Variants in WWOX observed in about 807,000 individuals in gnomAD.
WWOX encodes WW domain containing oxidoreductase.
In WWOX, 69 loss-of-function variants were observed where a neutral mutation model predicts 46.2. The ratio of observed to expected loss-of-function variants is 1.49; its 90% CI spans 1.23 to 1.82. The LOEUF is 1.82. WWOX is among the 40% of genes most tolerant of loss of function. The pLI, the probability that WWOX is intolerant of heterozygous loss-of-function variation, is 0.00. For synonymous variants in WWOX, 359 were observed against 202.6 expected, an observed-to-expected ratio of 1.77 and a Z score of -6.56; for missense variants, 919 against 542.6, an observed-to-expected ratio of 1.69 and a Z score of -6.89.
intron 8 of WWOX, among the ~76,000 whole-genome samples, chr16:79,054,832 A>C (rs1229289558): frequency 1.3e-5 from 2 of 152,204 alleles, no homozygotes; most frequent in Non-Finnish European, 2.9e-5. Context: ...GTCTCAAAAC[A>C]AACAAAGAAA....
chr16:78,278,489 C>A, intron 5 of WWOX: 1 of 1,068,092 alleles, frequency 9.4e-7, no homozygotes, highest in Non-Finnish European at 1.4e-6. Context: ...ATTTAACCAG[C>A]TTGAATTTGT....
At chr16:78,665,703 C>A (rs1244266507) in intron 8 of WWOX, among the ~76,000 whole-genome samples, 4 of 152,066 alleles carry the variant, frequency 2.6e-5, no homozygotes, top group Non-Finnish European at 5.9e-5. Flanking sequence ...TCTGATGTGG[C>A]TTTAAGATAC....
chr16:78,537,259 C>T (rs903158686), intron 8 of WWOX, among the ~76,000 whole-genome samples: 4 of 152,120 alleles, frequency 2.6e-5, no homozygotes, highest in Admixed American at 2.0e-4. Flanking sequence ...GCCTGCCTCC[C>T]TGTCTCCCTG....
Position 78,960,121 on chromosome 16 carries a change from G to A in WWOX, c.1057-251487G>A, listed in dbSNP as rs139034960. On this transcript the variant is annotated intron_variant, in intron 8 of 8. Transcript: ENST00000566780. ...AGAGTGAGGGATAAGGGGTTGTGCTGTGGCTCAGAGGCAGAGTAGACTGAG... is the reference window on the plus strand; with the variant it reads ...AGAGTGAGGGATAAGGGGTTGTGCTATGGCTCAGAGGCAGAGTAGACTGAG... Among the ~76,000 whole-genome samples the A allele has an allele frequency of 4.9e-3, 752 of 152,320 alleles. 3 individuals carry two copies. The highest frequency in any genetic ancestry group is 7.7e-3 in the Admixed American group (118 of 15,304).
intron 8 of WWOX, among the ~76,000 whole-genome samples, chr16:78,868,592 G>T (rs981958226): frequency 6.6e-6 from 1 of 152,174 alleles, no homozygotes; most frequent in Non-Finnish European, 1.5e-5. Context: ...TGAGCCAATA[G>T]TTACAGGAAC....
At chr16:78,769,844 A>G (rs926827070) in intron 8 of WWOX, among the ~76,000 whole-genome samples, 2 of 151,006 alleles carry the variant, frequency 1.3e-5, no homozygotes, top group African/African-American at 4.9e-5. Context: ...CTGTCTCTAC[A>G]AAAAATAAAA....
intron 8 of WWOX, among the ~76,000 whole-genome samples, chr16:78,954,168 T>C (rs1302432901): frequency 6.6e-6 from 1 of 152,198 alleles, no homozygotes. Context: ...CATGATTGCA[T>C]ATTCTTTAGA....
chr16:78,800,023 G>A (rs1307725916), intron 8 of WWOX, among the ~76,000 whole-genome samples: 1 of 152,108 alleles, frequency 6.6e-6, no homozygotes, highest in Non-Finnish European at 1.5e-5. Flanking sequence ...CCATTAAAAT[G>A]GGCAGAAGGG....
intron 5 of WWOX, among the ~76,000 whole-genome samples, chr16:78,307,630 G>A (rs142001725): frequency 9.3e-4 from 142 of 152,258 alleles, no homozygotes; most frequent in African/African-American, 3.4e-3. Flanking sequence ...GGCTTTTGAC[G>A]TCCAGAATGA....
intron 1 of WWOX, chr16:78,100,234 A>G (rs1218134745): frequency 2.6e-6 from 3 of 1,138,504 alleles, no homozygotes; most frequent in South Asian, 2.2e-5. Context: ...TCTGGGTTGC[A>G]GGGATAGGAG....
At chr16:78,986,125 A>G (rs1211505101) in intron 8 of WWOX, among the ~76,000 whole-genome samples, 1 of 152,254 alleles carries the variant, frequency 6.6e-6, no homozygotes, top group African/African-American at 2.4e-5. Context: ...TTATGGAGTC[A>G]GGAGCACACA....
chr16:78,680,679 G>A (rs914021571), intron 8 of WWOX, among the ~76,000 whole-genome samples: 1 of 152,104 alleles, frequency 6.6e-6, no homozygotes, highest in Admixed American at 6.5e-5. Flanking sequence ...CTAAACATCC[G>A]GACACATCTA....
intron 8 of WWOX, among the ~76,000 whole-genome samples, chr16:78,971,476 A>T (rs1386612922): frequency 2.1e-5 from 3 of 142,758 alleles, no homozygotes; most frequent in African/African-American, 2.6e-5. Flanking sequence ...AAAAAAAAAG[A>T]GAGAGATAGG....
intron 8 of WWOX, among the ~76,000 whole-genome samples, chr16:78,798,174 C>A (rs776858866): frequency 5.9e-5 from 9 of 152,132 alleles, no homozygotes; most frequent in Non-Finnish European, 1.3e-4. Context: ...ATACCAAAGC[C>A]ACGGCACCTT....
chr16:79,080,036 G>A (rs1454963349), intron 8 of WWOX, among the ~76,000 whole-genome samples: 1 of 152,168 alleles, frequency 6.6e-6, no homozygotes, highest in African/African-American at 2.4e-5. Flanking sequence ...TAGGCACTGG[G>A]AATATAGCAG....
rs542979889 is a variant in WWOX, at chr16:78,845,408, C to T, written c.1057-366200C>T. On this transcript the variant is annotated intron_variant, in intron 8 of 8. Coordinates refer to ENST00000566780, the MANE Select transcript of WWOX (RefSeq NM_016373.4). ...AAATGAGAAGTTTTCCATTCCAAACCCTTTTTAGGAGCGGCCTGGAAACTG... is the reference window on the plus strand; with the variant it reads ...AAATGAGAAGTTTTCCATTCCAAACTCTTTTTAGGAGCGGCCTGGAAACTG... Among the ~76,000 whole-genome samples the T allele has an allele frequency of 2.6e-5, 4 of 152,258 alleles. No individual in the cohort carries two copies. In the East Asian group the frequency reaches 5.8e-4, roughly 22 times the overall value.
intron 5 of WWOX, among the ~76,000 whole-genome samples, chr16:78,304,328 T>C (rs1303604830): frequency 6.6e-6 from 1 of 152,252 alleles, no homozygotes; most frequent in Admixed American, 6.5e-5. Context: ...GGTTAATGCA[T>C]TGACATTGTT....
chr16:79,000,523 G>T (rs1040008879), intron 8 of WWOX, among the ~76,000 whole-genome samples: 2 of 152,104 alleles, frequency 1.3e-5, no homozygotes, highest in South Asian at 4.1e-4. Context: ...AGAGGACTTG[G>T]CCTGATGTTA....
intron 5 of WWOX, among the ~76,000 whole-genome samples, chr16:78,315,432 T>A (rs1339540897): frequency 2.6e-5 from 4 of 152,106 alleles, no homozygotes; most frequent in African/African-American, 9.7e-5. Context: ...GCGGATCACT[T>A]GAGGTTAGGA....
Sources: allele counts gnomAD v4.1 joint callset (sites outside exome capture counted in the v4.1 genomes callset), GRCh38; gene constraint gnomAD v4.1.1; transcripts MANE v1.5; gene names NCBI Gene and HGNC (gene_info 2026-07-23, HGNC 2026-07-21).